TBC1D22B: variants seen among roughly 807,000 people sequenced by gnomAD.
TBC1D22B encodes the protein TBC1 domain family member 22B.
TBC1D22B carries 32 observed loss-of-function variants against 69.1 expected under a neutral mutation model. The observed-to-expected ratio is 0.46, with a 90% CI of 0.35 to 0.62. The LOEUF is 0.62. Ranked by LOEUF, TBC1D22B falls within the 20% of genes least tolerant of loss-of-function variation. TBC1D22B has a pLI of 0.00. For missense variants in TBC1D22B, 462 were observed against 630.9 expected (o/e 0.73, Z 2.87); for synonymous variants, 206 against 229.8 (o/e 0.90, Z 0.94).
chr6:37,259,124 T>C (rs1180814961), intron 1 of TBC1D22B, among the ~76,000 whole-genome samples: 2 of 151,966 alleles, frequency 1.3e-5, no homozygotes, highest in African/African-American at 4.8e-5. Context: ...TCCCAAAGTG[T>C]TGGGATTACA....
At chr6:37,271,663 A>G (rs1766485741) in intron 2 of TBC1D22B, among the ~76,000 whole-genome samples, 1 of 152,262 alleles carries the variant, frequency 6.6e-6, no homozygotes, top group African/African-American at 2.4e-5. Context: ...TTGAATACCT[A>G]GAAGAATGCT....
chr6:37,259,472 A>G (rs577698979), intron 1 of TBC1D22B, among the ~76,000 whole-genome samples: 1 of 152,114 alleles, frequency 6.6e-6, no homozygotes, highest in South Asian at 2.1e-4. Flanking sequence ...ATCAATAGGA[A>G]GACTGTTGTA....
At chr6:37,291,774 G>A (rs1767195012) in intron 8 of TBC1D22B, among the ~76,000 whole-genome samples, 2 of 152,156 alleles carry the variant, frequency 1.3e-5, no homozygotes, top group Admixed American at 6.5e-5. Context: ...AAAAGATTGT[G>A]GCACCAGAAC....
intron 12 of TBC1D22B, among the ~76,000 whole-genome samples, chr6:37,327,990 T>C (rs1768477378): frequency 6.6e-6 from 1 of 152,078 alleles, no homozygotes; most frequent in African/African-American, 2.4e-5. Context: ...CTGGAATATA[T>C]TTTCTGGTTG....
At chr6:37,295,243 T>A (rs1767325505) in intron 8 of TBC1D22B, among the ~76,000 whole-genome samples, 1 of 152,112 alleles carries the variant, frequency 6.6e-6, no homozygotes, top group South Asian at 2.1e-4. Flanking sequence ...TAGGTGGGAC[T>A]ACAGGTGTGC....
intron 8 of TBC1D22B, among the ~76,000 whole-genome samples, chr6:37,312,241 A>G (rs9462291): frequency 1.6e-4 from 24 of 152,216 alleles, no homozygotes; most frequent in African/African-American, 5.5e-4. Flanking sequence ...GGGGATATCT[A>G]ATGCAACATT....
chr6:37,299,678 A>G (rs1429379033), intron 8 of TBC1D22B, among the ~76,000 whole-genome samples: 2 of 152,172 alleles, frequency 1.3e-5, no homozygotes, highest in African/African-American at 4.8e-5. Context: ...TGGATTTGGT[A>G]TCTTGCTTAG....
In TBC1D22B at chr6:37,261,600, T is replaced by C. The variant is rs1055819946; in HGVS notation, c.56+3627T>C. 4.6e-5 allele frequency among the ~76,000 whole-genome samples: 7 copies of C among 152,226 alleles called. No individual in the cohort carries two copies. In the South Asian group the frequency reaches 1.0e-3, roughly 23 times the overall value. ...GAGTATCTGCTCCATGGGGCTGTTA[T>C]GAGGATTAAATGAGATAATACATAA... is the stretch of plus-strand genomic sequence containing the variant. On this transcript the variant is annotated intron_variant, in intron 1 of 12. Coordinates refer to ENST00000373491, the MANE Select transcript of TBC1D22B (RefSeq NM_017772.4).
At chr6:37,313,132 C>T (rs963954636) in intron 9 of TBC1D22B, 108 bp downstream of exon 9, 4 of 784,312 alleles carry the variant, frequency 5.1e-6, no homozygotes, top group East Asian at 2.5e-5. Context: ...ACCCACCCAC[C>T]CACTATGGCT....
chr6:37,268,435 C>T (rs1766373985), intron 1 of TBC1D22B, among the ~76,000 whole-genome samples: 1 of 152,080 alleles, frequency 6.6e-6, no homozygotes, highest in Non-Finnish European at 1.5e-5. Flanking sequence ...CACTTTGTTG[C>T]CCAGGCTGGT....
chr6:37,292,925 T>G (rs195763), intron 8 of TBC1D22B, among the ~76,000 whole-genome samples: 14 of 152,122 alleles, frequency 9.2e-5, no homozygotes, highest in South Asian at 4.2e-4. Context: ...AGCTTTGTAG[T>G]TACTGCATTT....
At chr6:37,315,061 C>T (rs923810707) in intron 10 of TBC1D22B, among the ~76,000 whole-genome samples, 3 of 152,170 alleles carry the variant, frequency 2.0e-5, no homozygotes, top group Non-Finnish European at 4.4e-5. Context: ...ATGCTGCCCT[C>T]TTCTGGGGGA....
intron 12 of TBC1D22B, among the ~76,000 whole-genome samples, chr6:37,320,760 G>C (rs1768215728): frequency 6.6e-6 from 1 of 152,188 alleles, no homozygotes. Context: ...TGACAAAGGA[G>C]ATCACACTGA....
intron 8 of TBC1D22B, among the ~76,000 whole-genome samples, chr6:37,306,748 T>A (rs1767729226): frequency 6.6e-6 from 1 of 152,258 alleles, no homozygotes; most frequent in Non-Finnish European, 1.5e-5. Context: ...TGCTATCCTA[T>A]ACTGAGCAGC....
intron 1 of TBC1D22B, among the ~76,000 whole-genome samples, chr6:37,262,427 C>T (rs1766137568): frequency 6.6e-6 from 1 of 152,186 alleles, no homozygotes; most frequent in Admixed American, 6.5e-5. Context: ...AAGCAGTCTG[C>T]CCACTTCATC....
chr6:37,315,715 A>G (rs1768057161), intron 10 of TBC1D22B, among the ~76,000 whole-genome samples: 1 of 152,048 alleles, frequency 6.6e-6, no homozygotes, highest in Non-Finnish European at 1.5e-5. Context: ...TGCTGGAATT[A>G]TAGGTGCGCA....
At chr6:37,294,017 A>G (rs538491460) in intron 8 of TBC1D22B, among the ~76,000 whole-genome samples, 1 of 152,306 alleles carries the variant, frequency 6.6e-6, no homozygotes, top group South Asian at 2.1e-4. Flanking sequence ...AGTTTAGGGA[A>G]AGAAGCCATC....
At chr6:37,275,698 A>G (rs556832402) in intron 2 of TBC1D22B, among the ~76,000 whole-genome samples, 11 of 152,306 alleles carry the variant, frequency 7.2e-5, no homozygotes, top group African/African-American at 1.4e-4. Context: ...AAAATTTAGC[A>G]TAGGGTCTGG....
At chr6:37,284,697 A>C (rs1334064138) in intron 6 of TBC1D22B, among the ~76,000 whole-genome samples, 3 of 152,186 alleles carry the variant, frequency 2.0e-5, no homozygotes, top group Non-Finnish European at 4.4e-5. Flanking sequence ...CTCAAACTTT[A>C]ATGTACATAC....
Sources: gnomAD v4.1 joint callset for allele counts (sites outside exome capture counted in the v4.1 genomes callset) on GRCh38, gnomAD v4.1.1 for gene constraint, MANE v1.5 for transcripts, NCBI Gene and HGNC (gene_info 2026-07-23, HGNC 2026-07-21) for gene names.